The following TAFA2 variants were observed in gnomAD, a reference collection of about 807,000 sequenced individuals.
The protein encoded by TAFA2 is chemokine-like protein TAFA-2.
In TAFA2, 7 loss-of-function variants were observed where a neutral mutation model predicts 18.8. That is an observed-to-expected ratio of 0.37 (90% confidence interval 0.21 to 0.70). The LOEUF (loss-of-function observed/expected upper bound fraction) is 0.70. Ranked by LOEUF, TAFA2 falls within the 30% of genes least tolerant of loss-of-function variation. The pLI is 0.53. For missense variants in TAFA2, 122 were observed against 158.1 expected (o/e 0.77, Z 1.23); for synonymous variants, 60 against 54.2 (o/e 1.11, Z -0.47).
At chr12:62,006,070 A>G (rs1880539932) in intron 1 of TAFA2, among the ~76,000 whole-genome samples, 1 of 152,108 alleles carries the variant, frequency 6.6e-6, no homozygotes, top group African/African-American at 2.4e-5. Context: ...TCTTCTCTCA[A>G]TTTATTAAAA....
intron 1 of TAFA2, among the ~76,000 whole-genome samples, chr12:61,980,063 A>G (rs1879576031): frequency 1.3e-5 from 2 of 152,108 alleles, no homozygotes. Context: ...TTTAAAATAT[A>G]TTTTATGTTT....
At chr12:61,761,305 GA>G (rs1348491795) in intron 2 of TAFA2, among the ~76,000 whole-genome samples, 1 of 151,934 alleles carries the variant, frequency 6.6e-6, no homozygotes. Context: ...TACAGGCATA[GA>G]TTTTTAAAAA....
intron 1 of TAFA2, chr12:61,879,544 C>A: frequency 1.4e-6 from 1 of 728,754 alleles, no homozygotes; most frequent in Non-Finnish European, 2.5e-6. Flanking sequence ...GCTGAGGCCC[C>A]TTAACCTGGA....
At chr12:62,153,482 G>A (rs1321087966) in intron 1 of TAFA2, among the ~76,000 whole-genome samples, 1 of 152,008 alleles carries the variant, frequency 6.6e-6, no homozygotes, top group African/African-American at 2.4e-5. Context: ...GGGCAACAGA[G>A]CAAGACCCCA....
chr12:61,718,940 A>C (rs963569438), intron 4 of TAFA2, among the ~76,000 whole-genome samples: 4 of 152,214 alleles, frequency 2.6e-5, no homozygotes, highest in Non-Finnish European at 5.9e-5. Context: ...ACTTGGAAGA[A>C]ATTCCTTTTC....
chr12:62,027,326 TCAAA>T (rs1354931913), intron 1 of TAFA2, among the ~76,000 whole-genome samples: 1 of 152,064 alleles, frequency 6.6e-6, no homozygotes, highest in Non-Finnish European at 1.5e-5. Context: ...ATATTCACAG[TCAAA>T]CAAATTAATA....
chr12:62,039,328 C>G (rs1881695955), intron 1 of TAFA2, among the ~76,000 whole-genome samples: 1 of 152,132 alleles, frequency 6.6e-6, no homozygotes, highest in Non-Finnish European at 1.5e-5. Context: ...TCCATGAAAA[C>G]CGCTGAGTAA....
intron 1 of TAFA2, among the ~76,000 whole-genome samples, chr12:61,869,322 C>A (rs1874493962): frequency 6.6e-6 from 1 of 152,140 alleles, no homozygotes; most frequent in Non-Finnish European, 1.5e-5. Flanking sequence ...TAATATGTAC[C>A]TAACAGTGTT....
intron 1 of TAFA2, among the ~76,000 whole-genome samples, chr12:62,221,681 C>A (rs1352279625): frequency 6.6e-6 from 1 of 151,924 alleles, no homozygotes; most frequent in Non-Finnish European, 1.5e-5. Flanking sequence ...GAATCAATTC[C>A]AGGAGGATCA....
intron 1 of TAFA2, among the ~76,000 whole-genome samples, chr12:62,077,912 A>C (rs1298147739): frequency 1.3e-5 from 2 of 152,160 alleles, no homozygotes; most frequent in Admixed American, 1.3e-4. Flanking sequence ...GAGCATCTCT[A>C]CTTCTAAATT....
chr12:62,105,660 G>A (rs1869414860), intron 1 of TAFA2, among the ~76,000 whole-genome samples: 1 of 152,064 alleles, frequency 6.6e-6, no homozygotes, highest in Admixed American at 6.6e-5. Flanking sequence ...GGCTGATGAC[G>A]CATCCCAGAT....
intron 2 of TAFA2, among the ~76,000 whole-genome samples, chr12:61,785,738 G>A (rs1390894744): frequency 6.6e-6 from 1 of 151,378 alleles, no homozygotes; most frequent in East Asian, 1.9e-4. Flanking sequence ...AAAAATTAAT[G>A]TCTTATATAT....
chr12:61,953,956 T>C (rs188383363), intron 1 of TAFA2, among the ~76,000 whole-genome samples: 16 of 152,386 alleles, frequency 1.0e-4, no homozygotes, highest in Non-Finnish European at 5.9e-5. Context: ...TTTTTCATGT[T>C]TGCATTTGTT....
At chr12:61,883,438 A>G (rs1484338425) in intron 1 of TAFA2, among the ~76,000 whole-genome samples, 2 of 152,188 alleles carry the variant, frequency 1.3e-5, no homozygotes, top group African/African-American at 2.4e-5. Context: ...GATTTGTGGA[A>G]ACATGGTATA....
intron 2 of TAFA2, among the ~76,000 whole-genome samples, chr12:61,759,210 C>A (rs929989215): frequency 6.6e-5 from 10 of 151,958 alleles, no homozygotes; most frequent in Admixed American, 6.6e-4. Context: ...AATAAGAGGA[C>A]AAAGTAACTG....
upstream of TAFA2, among the ~76,000 whole-genome samples, chr12:62,195,793 C>T (rs188315148): frequency 3.9e-4 from 59 of 152,252 alleles, no homozygotes; most frequent in South Asian, 3.3e-3. Context: ...AAGGGCCATA[C>T]GATTTTCAGA....
intron 2 of TAFA2, among the ~76,000 whole-genome samples, chr12:61,847,187 A>G (rs1469314845): frequency 6.6e-6 from 1 of 152,174 alleles, no homozygotes. Context: ...TGCTGTTGTG[A>G]TTATACACAT....
chr12:61,950,840 T>C (rs1408489400), intron 1 of TAFA2, among the ~76,000 whole-genome samples: 2 of 152,052 alleles, frequency 1.3e-5, no homozygotes, highest in Non-Finnish European at 2.9e-5. Context: ...TCAATGGGGA[T>C]CTAAAAGCAA....
intron 1 of TAFA2, among the ~76,000 whole-genome samples, chr12:62,013,660 T>A (rs1421069250): frequency 6.6e-6 from 1 of 152,224 alleles, no homozygotes; most frequent in Non-Finnish European, 1.5e-5. Context: ...TACAGAATCA[T>A]TTAATGAACT....
Sources: allele counts gnomAD v4.1 joint callset (sites outside exome capture counted in the v4.1 genomes callset), GRCh38; gene constraint gnomAD v4.1.1; transcripts MANE v1.5; gene names NCBI Gene and HGNC (gene_info 2026-07-23, HGNC 2026-07-21).